GRIK2: variants seen among roughly 807,000 people sequenced by gnomAD.
GRIK2 encodes glutamate ionotropic receptor kainate type subunit 2.
A neutral mutation model predicts 100.3 loss-of-function variants in GRIK2; 32 were observed. The observed-to-expected ratio is 0.32, with a 90% confidence interval of 0.24 to 0.43. The LOEUF is 0.43. GRIK2 is among the 20% of genes least tolerant of loss of function. The pLI is 1.00. For missense variants in GRIK2, 843 were observed against 1,114.9 expected, an observed-to-expected ratio of 0.76 and a Z score of 3.47; for synonymous variants, 417 against 389.4, an observed-to-expected ratio of 1.07 and a Z score of -0.83.
chr6:102,058,038 C>CTT (rs1329394228), intron 16 of GRIK2, among the ~76,000 whole-genome samples: 1 of 151,796 alleles, frequency 6.6e-6, no homozygotes, highest in Non-Finnish European at 1.5e-5. Flanking sequence ...CATCTTTATA[C>CTT]TTAGTTTATT....
Position 101,980,180 on chromosome 6 carries a change from C to T in GRIK2, c.2085+51548C>T, listed in dbSNP as rs1793630747. Among the ~76,000 whole-genome samples, 6 of 152,048 alleles carry T rather than the reference C, an allele frequency of 3.9e-5. No individual in the cohort carries two copies. The South Asian group carries it at 1.2e-3, about 32-fold the overall frequency. The stretch of plus-strand genomic sequence containing the variant: ...CACTCCCTGTTATATCCCATACCCT[C>T]CCAAAACACAGAGCTTCTGAGGCTG... On this transcript the variant is annotated intron_variant, in intron 14 of 16. Coordinates refer to ENST00000369134, the MANE Select transcript of GRIK2 (RefSeq NM_021956.5).
At chr6:101,896,872 G>A (rs1787479444) in intron 12 of GRIK2, among the ~76,000 whole-genome samples, 1 of 151,476 alleles carries the variant, frequency 6.6e-6, no homozygotes, top group Non-Finnish European at 1.5e-5. Context: ...CAGTTTATGG[G>A]GTGATATGAA....
intron 2 of GRIK2, among the ~76,000 whole-genome samples, chr6:101,585,813 G>C (rs1778330915): frequency 6.6e-6 from 1 of 152,038 alleles, no homozygotes; most frequent in Non-Finnish European, 1.5e-5. Flanking sequence ...GGCAGCTACA[G>C]TGAAGACAAA....
chr6:101,449,989 C>G (rs901089085), intron 2 of GRIK2, among the ~76,000 whole-genome samples: 14 of 151,678 alleles, frequency 9.2e-5, no homozygotes, highest in African/African-American at 3.4e-4. Context: ...GACTTGTTCA[C>G]TCTTTGTTCA....
chr6:101,427,507 T>A (rs1358686680), intron 2 of GRIK2, among the ~76,000 whole-genome samples: 1 of 152,200 alleles, frequency 6.6e-6, no homozygotes, highest in African/African-American at 2.4e-5. Context: ...ATCCATACCC[T>A]GGTGCTGTTA....
chr6:101,690,089 A>C (rs1240976459), intron 7 of GRIK2, among the ~76,000 whole-genome samples: 1 of 152,164 alleles, frequency 6.6e-6, no homozygotes, highest in Non-Finnish European at 1.5e-5. Context: ...TTTCAGGTAA[A>C]GACAAACACC....
intron 7 of GRIK2, among the ~76,000 whole-genome samples, chr6:101,755,423 T>A (rs1442113651): frequency 6.6e-6 from 1 of 152,110 alleles, no homozygotes; most frequent in Admixed American, 6.6e-5. Context: ...TGCCTCGGCC[T>A]CCCAAAGTGC....
At chr6:101,485,450 G>T (rs1772768950) in intron 2 of GRIK2, among the ~76,000 whole-genome samples, 2 of 151,890 alleles carry the variant, frequency 1.3e-5, no homozygotes, top group African/African-American at 2.4e-5. Flanking sequence ...TAGGAACTTT[G>T]TTTCACTTTT....
chr6:101,395,295 C>A (rs1774958821), intron 1 of GRIK2, among the ~76,000 whole-genome samples: 2 of 152,064 alleles, frequency 1.3e-5, no homozygotes, highest in South Asian at 4.1e-4. Flanking sequence ...TTAGGTGTTA[C>A]TATAAGATGA....
intron 9 of GRIK2, among the ~76,000 whole-genome samples, chr6:101,815,269 C>T (rs1464938565): frequency 6.6e-6 from 1 of 152,078 alleles, no homozygotes; most frequent in Admixed American, 6.6e-5. Context: ...TGATCTTCTT[C>T]TTATATCTTC....
intron 14 of GRIK2, among the ~76,000 whole-genome samples, chr6:102,022,490 G>A (rs1769480097): frequency 1.3e-5 from 2 of 151,600 alleles, no homozygotes; most frequent in Non-Finnish European, 3.0e-5. Flanking sequence ...TTGTGCCACT[G>A]CATTCCAGCC....
chr6:101,424,836 G>A (rs1019324235), intron 2 of GRIK2, among the ~76,000 whole-genome samples: 1 of 151,156 alleles, frequency 6.6e-6, no homozygotes, highest in African/African-American at 2.4e-5. Context: ...TTGTCCTTGC[G>A]ATAGTTTGCT....
At chr6:101,438,505 C>T (rs960795587) in intron 2 of GRIK2, among the ~76,000 whole-genome samples, 5 of 151,978 alleles carry the variant, frequency 3.3e-5, no homozygotes, top group African/African-American at 9.7e-5. Flanking sequence ...GTGTGGAACT[C>T]GTAAATGGAA....
At chr6:101,788,020 T>C (rs1428694349) in intron 7 of GRIK2, among the ~76,000 whole-genome samples, 2 of 152,014 alleles carry the variant, frequency 1.3e-5, no homozygotes, top group Admixed American at 6.6e-5. Context: ...TCTTGCTGAA[T>C]TGATCCCTTT....
chr6:101,752,477 T>C (rs1462169419), intron 7 of GRIK2, among the ~76,000 whole-genome samples: 3 of 152,234 alleles, frequency 2.0e-5, no homozygotes, highest in African/African-American at 4.8e-5. Context: ...TCACAGTTCA[T>C]AGGCTTCTCT....
chr6:102,011,783 T>A (rs1795554950), intron 14 of GRIK2, among the ~76,000 whole-genome samples: 1 of 151,910 alleles, frequency 6.6e-6, no homozygotes, highest in Non-Finnish European at 1.5e-5. Flanking sequence ...AGACGGGGTT[T>A]CACCATGTTA....
At chr6:101,707,940 A>T (rs1489590216) in intron 7 of GRIK2, among the ~76,000 whole-genome samples, 2 of 151,724 alleles carry the variant, frequency 1.3e-5, no homozygotes, top group Non-Finnish European at 2.9e-5. Context: ...GGTACTGCTG[A>T]TACAAAGGCA....
intron 7 of GRIK2, among the ~76,000 whole-genome samples, chr6:101,797,829 C>T (rs1780409647): frequency 6.8e-6 from 1 of 146,118 alleles, no homozygotes. Context: ...TATATAAAAC[C>T]ATTATTTATA....
At chr6:101,605,921 C>T (rs1779419702) in intron 2 of GRIK2, among the ~76,000 whole-genome samples, 1 of 152,110 alleles carries the variant, frequency 6.6e-6, no homozygotes, top group Non-Finnish European at 1.5e-5. Flanking sequence ...AAATACATTT[C>T]TGTTTCTAGA....
Sources: gnomAD v4.1 joint callset for allele counts (sites outside exome capture counted in the v4.1 genomes callset) on GRCh38, gnomAD v4.1.1 for gene constraint, MANE v1.5 for transcripts, NCBI Gene and HGNC (gene_info 2026-07-23, HGNC 2026-07-21) for gene names.